The following LRIG1 variants were observed in gnomAD, a reference collection of about 807,000 sequenced individuals.
LRIG1 encodes the protein leucine rich repeats and immunoglobulin like domains 1, also known as leucine-rich repeats and immunoglobulin-like domains protein 1.
Under a neutral mutation model 99.2 loss-of-function variants are expected in LRIG1, and 48 were observed. The observed-to-expected ratio is 0.48, with a 90% confidence interval of 0.38 to 0.62. The LOEUF (loss-of-function observed/expected upper bound fraction) is 0.62, where lower values mean the gene tolerates loss of function less well. Among genes scored for constraint, LRIG1 ranks in the 20% least tolerant of loss-of-function variants. The pLI, the probability that LRIG1 is intolerant of heterozygous loss-of-function variation, is 0.00. For synonymous variants in LRIG1, 772 were observed against 596.1 expected (o/e 1.29, Z -4.30); for missense variants, 1,646 against 1,434.4 (o/e 1.15, Z -2.38).
chr3:66,443,689 C>T (rs968895333), intron 3 of LRIG1, among the ~76,000 whole-genome samples: 1 of 152,190 alleles, frequency 6.6e-6, no homozygotes, highest in African/African-American at 2.4e-5. Flanking sequence ...ACTGCCAGTT[C>T]CTTGAGGGCA....
chr3:66,416,618 G>A (rs1459512222), intron 4 of LRIG1, among the ~76,000 whole-genome samples: 1 of 152,154 alleles, frequency 6.6e-6, no homozygotes, highest in Non-Finnish European at 1.5e-5. Context: ...TCTAAAAGGT[G>A]CTGAAAACCC....
At chr3:66,458,685 G>A (rs547573697) in intron 2 of LRIG1, among the ~76,000 whole-genome samples, 36 of 151,898 alleles carry the variant, frequency 2.4e-4, no homozygotes, top group Non-Finnish European at 4.6e-4. Context: ...CACGGTGACA[G>A]AGCAACACTC....
In LRIG1 at chr3:66,385,977, A is replaced by G. The variant is rs1275494137; in HGVS notation, c.1789+4T>C. 5.6e-6 allele frequency: 9 copies of G among 1,612,020 alleles called. No individual in the cohort carries two copies. The highest frequency in any genetic ancestry group is 7.6e-6 in the Non-Finnish European group (9 of 1,178,464). On this transcript the variant is annotated splice_donor_region_variant and intron_variant, in intron 13 of 18. Transcript: ENST00000273261. The stretch of plus-strand genomic sequence containing the variant: ...GTACTATAACAAAGATGGTGTTTCC[A>G]TACCATTCACGGTGAGCCTGGCCTT...
At chr3:66,410,026 C>G (rs2106667636) in intron 7 of LRIG1, 103 bp downstream of exon 7, 1 of 1,268,228 alleles carries the variant, frequency 7.9e-7, no homozygotes, top group East Asian at 2.4e-5. Context: ...TGTCTCTGAG[C>G]CCTCCCCGAG....
At chr3:66,404,777 G>T (rs1702200004) in intron 9 of LRIG1, among the ~76,000 whole-genome samples, 1 of 152,200 alleles carries the variant, frequency 6.6e-6, no homozygotes, top group African/African-American at 2.4e-5. Context: ...GTGGTTATTT[G>T]AGATGATGGT....
At chr3:66,414,830 A>G in intron 5 of LRIG1, 90 bp downstream of exon 5, 1 of 1,268,358 alleles carries the variant, frequency 7.9e-7, no homozygotes, top group South Asian at 1.9e-5. Context: ...GGAGCAAGGA[A>G]AGGGTGGCGT....
chr3:66,477,764 G>A (rs981327449), intron 1 of LRIG1, among the ~76,000 whole-genome samples: 17 of 152,032 alleles, frequency 1.1e-4, no homozygotes, highest in African/African-American at 3.9e-4. Flanking sequence ...ATCACGCATA[G>A]GTGTGCTGGA....
At chr3:66,387,964 G>A (rs113688386) in intron 12 of LRIG1, 36,506 of 147,966 alleles carry the variant, frequency 0.25, 5,302 homozygotes, top group East Asian at 0.69. Flanking sequence ...AAAATTAGCC[G>A]GGTGTGGTGG....
chr3:66,419,482 G>A (rs1364783976), intron 3 of LRIG1, among the ~76,000 whole-genome samples: 1 of 152,304 alleles, frequency 6.6e-6, no homozygotes, highest in East Asian at 1.9e-4. Context: ...CACAGTGGCA[G>A]GGTCTGTGAG....
intron 5 of LRIG1, among the ~76,000 whole-genome samples, chr3:66,414,035 C>A (rs1702546426): frequency 6.6e-6 from 1 of 152,060 alleles, no homozygotes; most frequent in Non-Finnish European, 1.5e-5. Context: ...TTACTTGAAT[C>A]TAAAACTCTG....
chr3:66,469,906 C>T (rs1403993981), intron 1 of LRIG1, among the ~76,000 whole-genome samples: 1 of 18,614 alleles, frequency 5.4e-5, no homozygotes, highest in African/African-American at 1.6e-4. Context: ...CCTGTCCCTA[C>T]CAAAAAAAAA....
intron 17 of LRIG1, 158 bp from the exon 18 acceptor site, chr3:66,381,019 A>G (rs1019367445): frequency 1.4e-6 from 1 of 705,516 alleles, no homozygotes. Flanking sequence ...TCCCCAGAGA[A>G]AGGACTGGGC....
chr3:66,463,317 G>A (rs1559811873), intron 1 of LRIG1, among the ~76,000 whole-genome samples: 1 of 152,176 alleles, frequency 6.6e-6, no homozygotes. Flanking sequence ...GAATAAACCG[G>A]GAGGGACAGT....
intron 1 of LRIG1, among the ~76,000 whole-genome samples, chr3:66,499,133 C>T (rs747840971): frequency 9.9e-5 from 15 of 152,218 alleles, no homozygotes; most frequent in Admixed American, 6.5e-5. Flanking sequence ...TTACCCATAA[C>T]TGAACGGGAT....
At chr3:66,452,415 A>C (rs1018091160) in intron 2 of LRIG1, among the ~76,000 whole-genome samples, 1 of 152,192 alleles carries the variant, frequency 6.6e-6, no homozygotes, top group African/African-American at 2.4e-5. Flanking sequence ...GCCTCCTTAC[A>C]TGGACATGTA....
intron 3 of LRIG1, among the ~76,000 whole-genome samples, chr3:66,447,211 T>A (rs1003762590): frequency 3.3e-5 from 5 of 152,212 alleles, no homozygotes; most frequent in Non-Finnish European, 5.9e-5. Flanking sequence ...TTATCCTTTG[T>A]ATTACAAACA....
chr3:66,404,108 G>A (rs1702171899), intron 9 of LRIG1: 2 of 480,930 alleles, frequency 4.2e-6, no homozygotes, highest in Admixed American at 5.5e-5. Context: ...GGACGCTCAA[G>A]AAGTACCTTC....
chr3:66,496,270 T>G (rs1463198669), intron 1 of LRIG1, among the ~76,000 whole-genome samples: 1 of 152,232 alleles, frequency 6.6e-6, no homozygotes, highest in African/African-American at 2.4e-5. Context: ...GGACATTGTG[T>G]GCCAATACAC....
intron 8 of LRIG1, chr3:66,405,689 A>T (rs530180113): frequency 9.2e-7 from 1 of 1,090,368 alleles, no homozygotes; most frequent in African/African-American, 1.6e-5. Flanking sequence ...ATGACCGAGA[A>T]ACTGCAGAAA....
Sources: gnomAD v4.1 joint callset for allele counts (sites outside exome capture counted in the v4.1 genomes callset) on GRCh38, gnomAD v4.1.1 for gene constraint, MANE v1.5 for transcripts, NCBI Gene and HGNC (gene_info 2026-07-23, HGNC 2026-07-21) for gene names.